Variants in SPPL2B observed in about 807,000 individuals in gnomAD.
SPPL2B encodes the protein signal peptide peptidase like 2B, also known as signal peptide peptidase-like 2B.
Under a neutral mutation model 59.7 loss-of-function variants are expected in SPPL2B, and 39 were observed. That is an observed-to-expected ratio of 0.65 (90% CI 0.51 to 0.85). The LOEUF is 0.85. Ranked by LOEUF, SPPL2B falls within the 40% of genes least tolerant of loss-of-function variation. The probability of loss-of-function intolerance (pLI) is 0.00; values close to 1 mark genes in which losing one functional copy is unlikely to be tolerated. For synonymous variants in SPPL2B, 419 were observed against 370.8 expected, an observed-to-expected ratio of 1.13 and a Z score of -1.49; for missense variants, 865 against 849.0, an observed-to-expected ratio of 1.02 and a Z score of -0.23.
At chr19:2,346,049 T>C (rs1395452203) in intron 13 of SPPL2B, among the ~76,000 whole-genome samples, 1 of 152,284 alleles carries the variant, frequency 6.6e-6, no homozygotes, top group Non-Finnish European at 1.5e-5. Context: ...TTGCCTTGTC[T>C]TCTACTGTTT....
At chr19:2,343,680 T>A (rs1385516782) in intron 9 of SPPL2B, among the ~76,000 whole-genome samples, 1 of 152,152 alleles carries the variant, frequency 6.6e-6, no homozygotes, top group African/African-American at 2.4e-5. Context: ...ATGCCCAGGA[T>A]GGCCCTCTGT....
intron 13 of SPPL2B, among the ~76,000 whole-genome samples, chr19:2,347,306 T>TCC (rs1969454679): frequency 1.3e-5 from 1 of 79,018 alleles, no homozygotes; most frequent in Non-Finnish European, 2.5e-5. Context: ...GTTCTCCTTC[T>TCC]CTCCACACAC....
At chr19:2,347,221 A>T (rs1291145341) in intron 13 of SPPL2B, among the ~76,000 whole-genome samples, 2 of 141,980 alleles carry the variant, frequency 1.4e-5, no homozygotes, top group Admixed American at 7.0e-5. Context: ...CTCCACACAC[A>T]CACTCACGCG....
rs572615627 is a variant in SPPL2B at position 2,341,038 on chromosome 19, C to T, written c.956+24C>T. On this transcript the variant is annotated intron_variant, in intron 8 of 14. Transcript: ENST00000613503. ...CAGTAAGTGCTGCTTCCCCCGGGCCCCGGCGGGCAGCGGAGTCCTCGGGTG... is the reference window on the plus strand; with the variant it reads ...CAGTAAGTGCTGCTTCCCCCGGGCCTCGGCGGGCAGCGGAGTCCTCGGGTG... 6.6e-5 allele frequency: 104 copies of T among 1,576,568 alleles called. No homozygotes were observed. The African/African-American group carries it at 1.3e-3, about 19-fold the overall frequency.
chr19:2,341,166 T>C, intron 8 of SPPL2B, 152 bp downstream of exon 8: 1 of 712,106 alleles, frequency 1.4e-6, no homozygotes, highest in Non-Finnish European at 2.5e-6. Flanking sequence ...CCCGGGCTGC[T>C]CTGACAGGGC....
intron 7 of SPPL2B, among the ~76,000 whole-genome samples, 161 bp from the exon 8 acceptor site, chr19:2,340,737 G>T (rs1378422360): frequency 6.6e-6 from 1 of 152,140 alleles, no homozygotes; most frequent in Non-Finnish European, 1.5e-5. Context: ...TGCCCTTGGG[G>T]TGCCTACTGT....
chr19:2,337,248 G>A lies in SPPL2B; in HGVS notation c.187-195G>A, dbSNP rs571788259. ...ACTCCGGCCCCGCTCAGATGAGGCA[G>A]CCCAGCCCGTCGCCCAGGGTCCGGC... On this transcript the variant is annotated intron_variant, in intron 2 of 14. Transcript: ENST00000613503. The A allele has an allele frequency of 2.5e-5, 13 of 516,536 alleles. No homozygotes were observed. In the Middle Eastern group the frequency reaches 1.5e-3, roughly 61 times the overall value. 32.0% of individuals were successfully genotyped at this position (516,536 alleles called of 1,614,324 possible).
At chr19:2,337,332 A>C in intron 2 of SPPL2B, 111 bp from the exon 3 acceptor site, 1 of 1,057,884 alleles carries the variant, frequency 9.5e-7, no homozygotes, top group African/African-American at 1.6e-5. Flanking sequence ...GCGGGGCTTT[A>C]GGTGAGGGCT....
intron 8 of SPPL2B, chr19:2,341,372 G>T (rs186758198): frequency 1.6e-5 from 8 of 491,342 alleles, no homozygotes; most frequent in South Asian, 3.1e-5. Context: ...CACGCCGCAG[G>T]TTCGAGGCCC....
chr19:2,333,921 C>T (rs554780358), intron 1 of SPPL2B, among the ~76,000 whole-genome samples: 5 of 152,344 alleles, frequency 3.3e-5, no homozygotes, highest in African/African-American at 7.2e-5. Context: ...CTGCTGGTGG[C>T]AGCGTGACCT....
At chr19:2,346,577 G>C (rs1030171660) in intron 13 of SPPL2B, among the ~76,000 whole-genome samples, 1 of 152,202 alleles carries the variant, frequency 6.6e-6, no homozygotes, top group Non-Finnish European at 1.5e-5. Context: ...TGAGGTGGGA[G>C]GATCGCTTGA....
Position 2,337,426 on chromosome 19 carries a change from T to G in SPPL2B, c.187-17T>G, listed in dbSNP as rs1476711819. The stretch of plus-strand genomic sequence containing the variant: ...ACTCACATCACGTGAGACAACACTG[T>G]GCCCTGGCCTTTCCAGTCTTTCCTG... On this transcript the variant is annotated splice_polypyrimidine_tract_variant and intron_variant, in intron 2 of 14. Transcript: ENST00000613503. 6.3e-7 allele frequency: 1 copy of G among 1,579,258 alleles called. No homozygotes were observed. Among genetic ancestry groups the G allele is most frequent in the African/African-American group, 1.3e-5 (1 of 74,286 alleles).
chr19:2,331,213 G>A (rs1182115488), intron 1 of SPPL2B, among the ~76,000 whole-genome samples: 3 of 151,744 alleles, frequency 2.0e-5, no homozygotes, highest in Non-Finnish European at 4.4e-5. Context: ...CTTCCCAGAA[G>A]GGAGGCTCTC....
At chr19:2,329,460 T>C (rs1345276464) in intron 1 of SPPL2B, among the ~76,000 whole-genome samples, 1 of 151,992 alleles carries the variant, frequency 6.6e-6, no homozygotes, top group African/African-American at 2.4e-5. Flanking sequence ...ATGTAAAGAG[T>C]GTCAGGTTCT....
At chr19:2,333,433 C>T (rs868046232) in intron 1 of SPPL2B, among the ~76,000 whole-genome samples, 1 of 152,198 alleles carries the variant, frequency 6.6e-6, no homozygotes. Context: ...GTGGTCCCTG[C>T]GGTGGGAGGC....
intron 4 of SPPL2B, 23 bp from the exon 5 acceptor site, chr19:2,339,046 C>T (rs1236772182): frequency 6.5e-6 from 10 of 1,543,478 alleles, no homozygotes; most frequent in South Asian, 3.6e-5. Flanking sequence ...TGACGCCTGC[C>T]TCCGGTGTGT....
Position 2,332,552 on chromosome 19 carries a change from C to T in SPPL2B, c.67-2050C>T, listed in dbSNP as rs551579763. 6.6e-6 allele frequency among the ~76,000 whole-genome samples: 1 copy of T among 152,308 alleles called. No individual in the cohort carries two copies. The highest frequency in any genetic ancestry group is 1.9e-4 in the East Asian group (1 of 5,184). The stretch of plus-strand genomic sequence containing the variant: ...TCCTGATGAGGCAAATGGCTGTGGC[C>T]TGTTTGTTTCCGTGACAGGTCCCCT... On this transcript the variant is annotated intron_variant, in intron 1 of 14. Transcript: ENST00000613503. The surrounding 1 kb of genome is among the most constrained non-coding windows in gnomAD (Gnocchi z 4.6).
At chr19:2,329,981 A>T (rs146773231) in intron 1 of SPPL2B, among the ~76,000 whole-genome samples, 154 of 143,138 alleles carry the variant, frequency 1.1e-3, no homozygotes, top group Admixed American at 1.9e-3. Flanking sequence ...GACTCCCCCC[A>T]TTCTGCAGCC....
At position 2,353,214 on chromosome 19, in the gene SPPL2B, G is replaced by A; in HGVS notation, c.*5G>A. Reference sequence around the variant, plus strand: ...CAGCCTGGCGCCTCGGCCTAGGGGAGGGGTGAGACGCTCGCTGCCGTGCCC... The same window carrying A: ...CAGCCTGGCGCCTCGGCCTAGGGGAAGGGTGAGACGCTCGCTGCCGTGCCC... On this transcript the variant is annotated 3_prime_UTR_variant, in exon 15 of 15. Coordinates refer to ENST00000613503, the MANE Select transcript of SPPL2B (RefSeq NM_152988.3). 6.3e-7 allele frequency: 1 copy of A among 1,587,072 alleles called. No individual in the cohort carries two copies. The highest frequency in any genetic ancestry group is 8.5e-7 in the Non-Finnish European group (1 of 1,173,278).
Sources: gnomAD v4.1 joint callset for allele counts (sites outside exome capture counted in the v4.1 genomes callset) on GRCh38, gnomAD v4.1.1 for gene constraint, Gnocchi (gnomAD v3.1) non-coding constraint, MANE v1.5 for transcripts, NCBI Gene and HGNC (gene_info 2026-07-23, HGNC 2026-07-21) for gene names.